The following TRDN variants were observed in gnomAD, a reference collection of about 807,000 sequenced individuals.
TRDN encodes triadin.
In TRDN, 161 loss-of-function variants were observed where a neutral mutation model predicts 149.7. The ratio of observed to expected loss-of-function variants is 1.08; its 90% CI spans 0.95 to 1.23. TRDN has a LOEUF of 1.23. Ranked by LOEUF, TRDN falls within the 50% of genes most tolerant of loss-of-function variation. The probability of loss-of-function intolerance (pLI) is 0.00; values close to 1 mark genes in which losing one functional copy is unlikely to be tolerated. For missense variants in TRDN, 896 were observed against 823.5 expected, an observed-to-expected ratio of 1.09 and a Z score of -1.08; for synonymous variants, 294 against 250.5, an observed-to-expected ratio of 1.17 and a Z score of -1.64.
At chr6:123,327,563 T>C (rs1259608179) in intron 23 of TRDN, among the ~76,000 whole-genome samples, 1 of 152,258 alleles carries the variant, frequency 6.6e-6, no homozygotes, top group Admixed American at 6.5e-5. Context: ...TTTAGATACA[T>C]TTATTCTTTG....
At chr6:123,529,152 C>A in intron 5 of TRDN, 1 of 1,536,284 alleles carries the variant, frequency 6.5e-7, no homozygotes, top group South Asian at 1.2e-5. Flanking sequence ...ATTAATAGCA[C>A]AGTCTGCAAG....
At chr6:123,286,538 G>A (rs985499005) in intron 24 of TRDN, among the ~76,000 whole-genome samples, 2 of 151,986 alleles carry the variant, frequency 1.3e-5, no homozygotes, top group African/African-American at 2.4e-5. Context: ...AAGGGAGGGA[G>A]TGGGGTGAGG....
chr6:123,500,126 A>G (rs1026851065), intron 8 of TRDN, among the ~76,000 whole-genome samples: 2 of 152,064 alleles, frequency 1.3e-5, no homozygotes, highest in African/African-American at 4.8e-5. Context: ...GAAATTTCTT[A>G]TGAATTCAGA....
intron 1 of TRDN, among the ~76,000 whole-genome samples, chr6:123,582,810 GA>G (rs1783197587): frequency 6.6e-6 from 1 of 151,836 alleles, no homozygotes; most frequent in African/African-American, 2.4e-5. Context: ...AATTTTGGGG[GA>G]TGGTATGGAG....
intron 24 of TRDN, among the ~76,000 whole-genome samples, chr6:123,307,538 A>AT (rs1204148787): frequency 1.3e-5 from 2 of 151,952 alleles, no homozygotes; most frequent in Admixed American, 6.6e-5. Context: ...TGATTGATGC[A>AT]TTTTTTTAAT....
rs1177535138 is a variant in TRDN at position 123,430,580 on chromosome 6, C to CA, written c.1051+7482dup. Among the ~76,000 whole-genome samples, 7 of 151,338 alleles carry CA rather than the reference C, an allele frequency of 4.6e-5. No homozygotes were observed. In the East Asian group the frequency reaches 7.7e-4, roughly 17 times the overall value. On this transcript the variant is annotated intron_variant, in intron 12 of 40. Transcript: ENST00000334268. Reference sequence around the variant, plus strand: ...CTGGTGACAGAGCAAGACTCTGTCTCAAAAAAATAAATATAATATAATAAT... The same window carrying CA: ...CTGGTGACAGAGCAAGACTCTGTCTCAAAAAAAATAAATATAATATAATAAT...
chr6:123,271,090 A>T (rs1157723531), intron 30 of TRDN, 49 bp downstream of exon 30: 2 of 1,212,526 alleles, frequency 1.6e-6, no homozygotes, highest in South Asian at 2.9e-5. Context: ...TGAGTGCACC[A>T]CATAACATAT....
Position 123,438,547 on chromosome 6 carries a change from T to A in TRDN, c.991+397A>T, listed in dbSNP as rs908699431. ...ATTATTTGAAAACAACCAATTAAAATATATATATATGTGTAAAACAAACCA... is the reference window on the plus strand; with the variant it reads ...ATTATTTGAAAACAACCAATTAAAAAATATATATATGTGTAAAACAAACCA... On this transcript the variant is annotated intron_variant, in intron 11 of 40. Coordinates refer to ENST00000334268, the MANE Select transcript of TRDN (RefSeq NM_006073.4). Among the ~76,000 whole-genome samples, 5 of 151,990 alleles carry A rather than the reference T, an allele frequency of 3.3e-5. No homozygotes were observed. In the East Asian group the frequency reaches 5.8e-4, roughly 18 times the overall value.
At chr6:123,522,439 G>A (rs1779727542) in intron 5 of TRDN, among the ~76,000 whole-genome samples, 1 of 3,876 alleles carries the variant, frequency 2.6e-4, no homozygotes, top group African/African-American at 5.1e-4. Context: ...CAACTACATG[G>A]GGGGGGAAAG....
chr6:123,621,838 C>T (rs184475431), intron 1 of TRDN, among the ~76,000 whole-genome samples: 28 of 152,172 alleles, frequency 1.8e-4, no homozygotes, highest in Admixed American at 7.9e-4. Context: ...AATTGGGAAG[C>T]GACACCAAAG....
chr6:123,621,186 A>G (rs1785364283), intron 1 of TRDN, among the ~76,000 whole-genome samples: 1 of 152,108 alleles, frequency 6.6e-6, no homozygotes, highest in African/African-American at 2.4e-5. Context: ...TACGGTGAGG[A>G]TTACTATCTC....
At chr6:123,245,981 A>T (rs1776160536) in intron 38 of TRDN, among the ~76,000 whole-genome samples, 1 of 152,308 alleles carries the variant, frequency 6.6e-6, no homozygotes, top group South Asian at 2.1e-4. Flanking sequence ...CTGCTCCTGA[A>T]TGACTACTGG....
At chr6:123,464,813 T>C in intron 10 of TRDN, 93 bp downstream of exon 10, 2 of 1,513,776 alleles carry the variant, frequency 1.3e-6, no homozygotes, top group Non-Finnish European at 1.8e-6. Flanking sequence ...TATTGGATTT[T>C]GCTGTTTCTT....
intron 12 of TRDN, among the ~76,000 whole-genome samples, chr6:123,402,183 C>A (rs1773007337): frequency 6.6e-6 from 1 of 152,138 alleles, no homozygotes; most frequent in Admixed American, 6.5e-5. Flanking sequence ...GAACTGCAAC[C>A]TAACTCAGTA....
chr6:123,361,234 GGA>G (rs1419428842), intron 20 of TRDN, among the ~76,000 whole-genome samples: 1 of 152,056 alleles, frequency 6.6e-6, no homozygotes, highest in Non-Finnish European at 1.5e-5. Context: ...TCCTTTGCAG[GGA>G]CATGGATGAA....
chr6:123,568,083 G>T (rs1782381929), intron 2 of TRDN, among the ~76,000 whole-genome samples: 1 of 152,208 alleles, frequency 6.6e-6, no homozygotes, highest in African/African-American at 2.4e-5. Flanking sequence ...CCAAAAGGGA[G>T]AAATCAGCCA....
At chr6:123,605,952 A>G (rs1784511424) in intron 1 of TRDN, among the ~76,000 whole-genome samples, 1 of 152,120 alleles carries the variant, frequency 6.6e-6, no homozygotes, top group South Asian at 2.1e-4. Context: ...GACTGGCCTC[A>G]TTATCTCTGT....
chr6:123,512,055 G>A (rs575483500), intron 7 of TRDN, among the ~76,000 whole-genome samples: 2 of 150,772 alleles, frequency 1.3e-5, no homozygotes, highest in East Asian at 3.9e-4. Flanking sequence ...GGTGAATGAG[G>A]GTTATGGGGC....
chr6:123,504,750 T>C (rs1446143574), intron 7 of TRDN, among the ~76,000 whole-genome samples: 1 of 152,218 alleles, frequency 6.6e-6, no homozygotes, highest in Admixed American at 6.5e-5. Context: ...CTGTGGATCA[T>C]TCAAGCATCT....
Sources: gnomAD v4.1 joint callset for allele counts (sites outside exome capture counted in the v4.1 genomes callset) on GRCh38, gnomAD v4.1.1 for gene constraint, MANE v1.5 for transcripts, NCBI Gene and HGNC (gene_info 2026-07-23, HGNC 2026-07-21) for gene names.